Variants in OSBPL10 observed in about 807,000 individuals in gnomAD.
OSBPL10 encodes oxysterol-binding protein-related protein 10.
A neutral mutation model predicts 81.7 loss-of-function variants in OSBPL10; 49 were observed. The observed-to-expected ratio is 0.60, with a 90% CI of 0.48 to 0.76. The LOEUF (loss-of-function observed/expected upper bound fraction) is 0.76. Among genes scored for constraint, OSBPL10 ranks in the 30% least tolerant of loss-of-function variants. The pLI is 0.00. For missense variants in OSBPL10, 923 were observed against 987.8 expected, an observed-to-expected ratio of 0.93 and a Z score of 0.88; for synonymous variants, 419 against 383.6, an observed-to-expected ratio of 1.09 and a Z score of -1.08.
At chr3:31,816,626 C>T (rs1044208782) in intron 4 of OSBPL10, among the ~76,000 whole-genome samples, 4 of 152,168 alleles carry the variant, frequency 2.6e-5, no homozygotes, top group African/African-American at 9.7e-5. Context: ...CCTAAGGTGT[C>T]CCTTTTCTTC....
chr3:32,067,827 C>T (rs897655201), intron 1 of OSBPL10, among the ~76,000 whole-genome samples: 4 of 152,188 alleles, frequency 2.6e-5, no homozygotes, highest in African/African-American at 4.8e-5. Flanking sequence ...CCTTTGCTGA[C>T]TCTCTTTTCA....
At chr3:31,893,550 A>C (rs1326869164) in intron 1 of OSBPL10, among the ~76,000 whole-genome samples, 3 of 152,206 alleles carry the variant, frequency 2.0e-5, no homozygotes, top group Admixed American at 6.5e-5. Flanking sequence ...ACAGAAATTA[A>C]AACAAATGTC....
At chr3:32,026,103 TAGA>T in intron 2 of OSBPL10, among the ~76,000 whole-genome samples, 2 of 135,172 alleles carry the variant, frequency 1.5e-5, no homozygotes, top group Non-Finnish European at 3.3e-5. Context: ...GATAGATAGA[TAGA>T]GATAGAGATA....
intron 1 of OSBPL10, among the ~76,000 whole-genome samples, chr3:31,939,512 C>T (rs1293331510): frequency 2.0e-5 from 3 of 151,920 alleles, no homozygotes; most frequent in Admixed American, 6.6e-5. Flanking sequence ...CAACTATGAC[C>T]TCTTCTTCAC....
intron 2 of OSBPL10, chr3:31,990,586 A>G: frequency 6.2e-7 from 1 of 1,613,882 alleles, no homozygotes; most frequent in Non-Finnish European, 8.5e-7. Flanking sequence ...TCATAAGGCA[A>G]TTCATACTGG....
intron 4 of OSBPL10, among the ~76,000 whole-genome samples, chr3:31,764,259 G>A (rs906004040): frequency 2.6e-5 from 4 of 152,174 alleles, no homozygotes; most frequent in African/African-American, 7.2e-5. Context: ...TCACTATAAC[G>A]AATATAGTTC....
chr3:31,891,853 G>C (rs1341882716), intron 1 of OSBPL10, among the ~76,000 whole-genome samples: 1 of 152,112 alleles, frequency 6.6e-6, no homozygotes, highest in Non-Finnish European at 1.5e-5. Context: ...GTTTTGAAGA[G>C]GGTAGCTCCA....
intron 3 of OSBPL10, among the ~76,000 whole-genome samples, chr3:31,853,593 T>C (rs1575583943): frequency 6.6e-6 from 1 of 152,210 alleles, no homozygotes; most frequent in African/African-American, 2.4e-5. Flanking sequence ...AGCCCAGAAC[T>C]GACTCTACTT....
At chr3:31,962,902 C>G (rs1349533492) in intron 1 of OSBPL10, among the ~76,000 whole-genome samples, 1 of 152,210 alleles carries the variant, frequency 6.6e-6, no homozygotes, top group East Asian at 1.9e-4. Context: ...AGGTCTAATG[C>G]CTGATCTCCT....
At chr3:31,889,709 TA>T (rs1286959377) in intron 1 of OSBPL10, among the ~76,000 whole-genome samples, 1 of 152,114 alleles carries the variant, frequency 6.6e-6, no homozygotes, top group African/African-American at 2.4e-5. Context: ...TACAAACTTA[TA>T]GCTAGACGGG....
At chr3:31,670,061 G>GA (rs2125511033) in intron 9 of OSBPL10, among the ~76,000 whole-genome samples, 1 of 152,306 alleles carries the variant, frequency 6.6e-6, no homozygotes, top group East Asian at 1.9e-4. Context: ...CTACCAACAT[G>GA]ATAGCACTGA....
intron 4 of OSBPL10, among the ~76,000 whole-genome samples, chr3:31,815,174 CGCCCTG>C (rs1186724072): frequency 4.1e-4 from 8 of 19,544 alleles, no homozygotes; most frequent in Middle Eastern, 0.042. Context: ...TTGCTCTTCC[CGCCCTG>C]AGACAACATG....
chr3:31,743,228 AT>A (rs1440288380), intron 5 of OSBPL10, among the ~76,000 whole-genome samples: 1 of 151,672 alleles, frequency 6.6e-6, no homozygotes, highest in African/African-American at 2.4e-5. Flanking sequence ...TTTAGTAGAG[AT>A]GTGATTTCAT....
chr3:31,788,873 G>A (rs1698931383), intron 4 of OSBPL10, among the ~76,000 whole-genome samples: 1 of 151,884 alleles, frequency 6.6e-6, no homozygotes, highest in Admixed American at 6.6e-5. Flanking sequence ...GAAGGCATGA[G>A]GAAGAAAAAA....
chr3:31,775,454 A>T (rs1410167475), intron 4 of OSBPL10, among the ~76,000 whole-genome samples: 3 of 151,960 alleles, frequency 2.0e-5, no homozygotes. Flanking sequence ...AAAAGAAGGG[A>T]TGGTTAAGGA....
rs115718356 is a variant in OSBPL10, at chr3:31,927,172, C to T, written c.282-47342G>A. 6.2e-3 allele frequency among the ~76,000 whole-genome samples: 940 copies of T among 152,128 alleles called. 6 individuals carry two copies. Among genetic ancestry groups the T allele is most frequent in the African/African-American group, 0.022 (906 of 41,468 alleles). The stretch of plus-strand genomic sequence containing the variant: ...TAAAAGCTACACACTCTGGACCCTT[C>T]CCAAGTCACTGACATTTCAAATCTG... On this transcript the variant is annotated intron_variant, in intron 1 of 11. Transcript: ENST00000396556.
intron 5 of OSBPL10, among the ~76,000 whole-genome samples, chr3:31,739,643 T>C (rs1286350387): frequency 6.6e-6 from 1 of 152,114 alleles, no homozygotes; most frequent in African/African-American, 2.4e-5. Flanking sequence ...ATGCCATGTG[T>C]GGACACAGCA....
chr3:31,773,183 A>G (rs546988200), intron 4 of OSBPL10, among the ~76,000 whole-genome samples: 3 of 152,172 alleles, frequency 2.0e-5, no homozygotes, highest in Non-Finnish European at 4.4e-5. Flanking sequence ...GTGGCCTCAC[A>G]TACAGATTGG....
At chr3:31,775,506 TAGTA>T (rs1346445689) in intron 4 of OSBPL10, among the ~76,000 whole-genome samples, 1 of 96,278 alleles carries the variant, frequency 1.0e-5, no homozygotes, top group African/African-American at 2.6e-5. Flanking sequence ...TTGAAATTTT[TAGTA>T]ATGTTAAAGT....
Sources: gnomAD v4.1 joint callset for allele counts (sites outside exome capture counted in the v4.1 genomes callset) on GRCh38, gnomAD v4.1.1 for gene constraint, MANE v1.5 for transcripts, NCBI Gene and HGNC (gene_info 2026-07-23, HGNC 2026-07-21) for gene names.